CORO2B: variants seen among roughly 807,000 people sequenced by gnomAD.
The protein encoded by CORO2B is coronin 2B.
A neutral mutation model predicts 58.8 loss-of-function variants in CORO2B; 26 were observed. That is an observed-to-expected ratio of 0.44 (90% CI 0.32 to 0.61). The LOEUF is 0.61. CORO2B is among the 20% of genes least tolerant of loss of function. The pLI, the probability that CORO2B is intolerant of heterozygous loss-of-function variation, is 0.04. For missense variants in CORO2B, 460 were observed against 645.1 expected, an observed-to-expected ratio of 0.71 and a Z score of 3.11; for synonymous variants, 242 against 253.8, an observed-to-expected ratio of 0.95 and a Z score of 0.44.
At chr15:68,530,180 T>G in the CORO2B span, among the ~76,000 whole-genome samples, 1 of 151,984 alleles carries the variant, frequency 6.6e-6, no homozygotes, top group Non-Finnish European at 1.5e-5. Flanking sequence ...AAAAAATTAG[T>G]TGGGCATGGT....
chr15:68,534,372 C>T, the CORO2B span, among the ~76,000 whole-genome samples: 1 of 152,254 alleles, frequency 6.6e-6, no homozygotes, highest in South Asian at 2.1e-4. Context: ...CTTTGTTCAC[C>T]TATTTCTCCT....
the CORO2B span, among the ~76,000 whole-genome samples, chr15:68,559,010 A>G: frequency 6.6e-6 from 1 of 152,158 alleles, no homozygotes; most frequent in Non-Finnish European, 1.5e-5. This position sits in a 1 kb window ranked among gnomAD's most constrained non-coding sequence, Gnocchi z 4.3. Flanking sequence ...TACCATCTTC[A>G]GTTTTAGTCA....
rs778824885 is a variant in CORO2B at position 68,711,561 on chromosome 15, A to C, written c.503A>C (p.Asp168Ala). ...YDYKVLIWNL[D>A]VGEPVKMIDC... ...TCGCAGGTCCTCATCTGGAACCTGG[A>C]TGTGGGTGAGCCGGTGAAGATGATT... Residue 168 changes from aspartate to alanine, a missense_variant, in exon 5 of 12, where the codon GAT becomes GCT. Physicochemically the swap from Asp to Ala is moderately radical, Grantham distance 126 (BLOSUM62 -2). Around this residue, in one of 2 missense-constraint regions of CORO2B, gnomAD observed 352 missense variants for 543.0 expected, o/e 0.65. Coordinates refer to ENST00000261861, the MANE Select transcript of CORO2B (RefSeq NM_006091.5). The C allele has an allele frequency of 3.1e-6, 5 of 1,612,926 alleles. No homozygotes were observed. The South Asian group carries it at 5.5e-5, about 18-fold the overall frequency.
intron 11 of CORO2B, 30 bp from the exon 12 acceptor site, chr15:68,725,813 T>C: frequency 6.2e-7 from 1 of 1,612,148 alleles, no homozygotes; most frequent in Non-Finnish European, 8.5e-7. Context: ...TCCTGGGCCC[T>C]CCTTGGCCCC....
At chr15:68,696,394 T>A (rs1238313434) in intron 3 of CORO2B, among the ~76,000 whole-genome samples, 5 of 148,870 alleles carry the variant, frequency 3.4e-5, no homozygotes, top group African/African-American at 1.2e-4. Flanking sequence ...ACTAAAAAGA[T>A]AAAAATTAGC....
At chr15:68,519,719 T>C in the CORO2B span, among the ~76,000 whole-genome samples, 1 of 152,230 alleles carries the variant, frequency 6.6e-6, no homozygotes. Flanking sequence ...GCTATTTGTA[T>C]AGCTTGCCAT....
chr15:68,672,347 C>T (rs558971082), intron 2 of CORO2B, among the ~76,000 whole-genome samples: 2 of 152,038 alleles, frequency 1.3e-5, no homozygotes, highest in African/African-American at 2.4e-5. Context: ...GTGATCCTCC[C>T]ACCTCAGCCT....
At chr15:68,566,156 T>C in the CORO2B span, among the ~76,000 whole-genome samples, 1 of 152,186 alleles carries the variant, frequency 6.6e-6, no homozygotes, top group Non-Finnish European at 1.5e-5. Flanking sequence ...TGTATTTTGC[T>C]CATTTAACCC....
chr15:68,588,549 C>T (rs1899624020), intron 1 of CORO2B, among the ~76,000 whole-genome samples: 1 of 152,162 alleles, frequency 6.6e-6, no homozygotes, highest in Admixed American at 6.5e-5. Context: ...CACAGTCCTA[C>T]CTGGGTCCCT....
At chr15:68,694,038 G>A (rs780772199) in intron 2 of CORO2B, among the ~76,000 whole-genome samples, 8 of 152,110 alleles carry the variant, frequency 5.3e-5, no homozygotes, top group Non-Finnish European at 7.3e-5. Context: ...GTTTCTCCAC[G>A]TTGGCCAGGC....
chr15:68,568,318 G>GC, the CORO2B span, among the ~76,000 whole-genome samples: 1 of 151,666 alleles, frequency 6.6e-6, no homozygotes, highest in African/African-American at 2.4e-5. Flanking sequence ...TAAAGTCGGA[G>GC]CGGTTATAAG....
At chr15:68,523,286 C>T in the CORO2B span, among the ~76,000 whole-genome samples, 1 of 152,050 alleles carries the variant, frequency 6.6e-6, no homozygotes, top group Non-Finnish European at 1.5e-5. Context: ...CCTCAACCTC[C>T]CAGGCTCAAT....
At chr15:68,705,649 A>AT (rs1892767163) in intron 3 of CORO2B, among the ~76,000 whole-genome samples, 1 of 152,098 alleles carries the variant, frequency 6.6e-6, no homozygotes, top group Non-Finnish European at 1.5e-5. Flanking sequence ...GTAGCCCTTC[A>AT]TTCCATGAGA....
intron 3 of CORO2B, among the ~76,000 whole-genome samples, chr15:68,698,193 CA>C (rs1892559092): frequency 6.6e-6 from 1 of 152,242 alleles, no homozygotes; most frequent in African/African-American, 2.4e-5. Context: ...CTGCTCGCTG[CA>C]AAGCCCATGC....
rs1014195211 is a variant in CORO2B at position 68,710,707 on chromosome 15, C to G, written c.334-25C>G. On this transcript the variant is annotated intron_variant, in intron 3 of 11. Transcript: ENST00000261861. The surrounding 1 kb of genome is among the most constrained non-coding windows in gnomAD (Gnocchi z 4.1). ...GGACTTCTTGGCCGTGTCCACCCAG[C>G]CTGGACCCTCATCTCCCTCTGCAGG... 1.1e-5 allele frequency: 17 copies of G among 1,569,648 alleles called. No homozygotes were observed. The highest frequency in any genetic ancestry group is 1.5e-5 in the Non-Finnish European group (17 of 1,154,868).
intron 1 of CORO2B, among the ~76,000 whole-genome samples, chr15:68,609,628 G>C (rs1483660701): frequency 6.6e-6 from 1 of 152,192 alleles, no homozygotes; most frequent in Non-Finnish European, 1.5e-5. Context: ...TGGTCTCCCA[G>C]CTCCTTCCAC....
In CORO2B at chr15:68,651,563, G is replaced by A. The variant is rs549674375; in HGVS notation, c.216+6203G>A. On this transcript the variant is annotated intron_variant, in intron 2 of 11. Coordinates refer to ENST00000261861, the MANE Select transcript of CORO2B (RefSeq NM_006091.5). Reference sequence around the variant, plus strand: ...GTGACTGCAAATCATCACTTGGAGCGTTAGTTATAAGCTATTAATTCATGG... The same window carrying A: ...GTGACTGCAAATCATCACTTGGAGCATTAGTTATAAGCTATTAATTCATGG... Among the ~76,000 whole-genome samples, 4 of 152,304 alleles carry A rather than the reference G, an allele frequency of 2.6e-5. No homozygotes were observed. The East Asian group carries it at 7.7e-4, about 29-fold the overall frequency.
chr15:68,612,383 C>A (rs942379464), intron 1 of CORO2B, among the ~76,000 whole-genome samples: 2 of 151,858 alleles, frequency 1.3e-5, no homozygotes, highest in Non-Finnish European at 2.9e-5. Context: ...AGGAGGTGTG[C>A]GTGAGAAGGG....
At chr15:68,671,884 T>C (rs1425133787) in intron 2 of CORO2B, among the ~76,000 whole-genome samples, 1 of 152,172 alleles carries the variant, frequency 6.6e-6, no homozygotes, top group Non-Finnish European at 1.5e-5. Context: ...ACACAAGGCA[T>C]GTATACTAGG....
Sources: gnomAD v4.1 joint callset for allele counts (sites outside exome capture counted in the v4.1 genomes callset) on GRCh38, gnomAD v4.1.1 for gene constraint, gnomAD v4.1.1 regional missense constraint, Gnocchi (gnomAD v3.1) non-coding constraint, MANE v1.5 for transcripts, NCBI Gene and HGNC (gene_info 2026-07-23, HGNC 2026-07-21) for gene names.